The following MICAL1 variants were observed in gnomAD, a reference collection of about 807,000 sequenced individuals.
MICAL1 encodes the protein microtubule associated monooxygenase, calponin and LIM domain containing 1.
Under a neutral mutation model 131.8 loss-of-function variants are expected in MICAL1, and 95 were observed. The ratio of observed to expected loss-of-function variants is 0.72; its 90% CI spans 0.61 to 0.86. The LOEUF is 0.86. Ranked by LOEUF, MICAL1 falls within the 40% of genes least tolerant of loss-of-function variation. MICAL1 has a pLI of 0.00. For missense variants in MICAL1, 1,292 were observed against 1,380.6 expected (o/e 0.94, Z 1.02); for synonymous variants, 546 against 554.2 (o/e 0.99, Z 0.21).
In MICAL1 at chr6:109,448,234, G is replaced by A. The variant is rs775455759; in HGVS notation, c.1824C>T (p.His608=). ...TGTGGGCCATGCTCTTGAAGGCACTGTGGAAGTGGCTGAGGTAGGCAATGA... is the reference window on the plus strand; with the variant it reads ...TGTGGGCCATGCTCTTGAAGGCACTATGGAAGTGGCTGAGGTAGGCAATGA... The part of the protein sequence containing the change: ...LGLIAYLSHF[H]SAFKSMAHSP... Residue 608 remains histidine (H), a synonymous_variant, in exon 13 of 25, where the codon CAC becomes CAT. Coordinates refer to ENST00000358807, the MANE Select transcript of MICAL1 (RefSeq NM_022765.4). 1 of 1,613,444 alleles carries A rather than the reference G, an allele frequency of 6.2e-7. No individual in the cohort carries two copies. Among genetic ancestry groups the A allele is most frequent in the Non-Finnish European group, 8.5e-7 (1 of 1,180,004 alleles).
intron 6 of MICAL1, 187 bp from the exon 7 acceptor site, chr6:109,451,887 G>A: frequency 7.1e-7 from 1 of 1,403,382 alleles, no homozygotes; most frequent in Non-Finnish European, 9.2e-7. Flanking sequence ...GGAGGCCTGA[G>A]GACTTAGAGC....
At chr6:109,453,394 G>C in intron 3 of MICAL1, 27 bp from the exon 4 acceptor site, 1 of 1,605,486 alleles carries the variant, frequency 6.2e-7, no homozygotes. Flanking sequence ...ATTAGGAACA[G>C]GGACCCTAGG....
chr6:109,449,569 C>G, intron 10 of MICAL1, 88 bp from the exon 11 acceptor site: 6 of 1,605,874 alleles, frequency 3.7e-6, no homozygotes, highest in Non-Finnish European at 5.1e-6. Context: ...TAGGATTGAC[C>G]CCAAAGGGCA....
rs540868259 is a variant in MICAL1, at chr6:109,453,743, G to A, written c.361C>T (p.Arg121Cys). 1.7e-5 allele frequency: 28 copies of A among 1,613,802 alleles called. No individual in the cohort carries two copies. Among genetic ancestry groups the A allele is most frequent in the South Asian group, 1.2e-4 (11 of 91,086 alleles). The part of the protein sequence containing the change: ...VLVEKRTKFS[R>C]HNVLHLWPFT... ...GGCCAGAGGTGGAGCACGTTGTGGC[G>A]AGAGAACTTGGTGCGCTTTTCCACC... The change falls in exon 3 of 25, where the codon CGC becomes TGC. Residue 121 changes from arginine (R) to cysteine (C), a missense_variant. Physicochemically the swap from Arg to Cys is radical, Grantham distance 180. Transcript: ENST00000358807.
chr6:109,444,631 C>G, intron 24 of MICAL1, 94 bp downstream of exon 24: 1 of 1,441,386 alleles, frequency 6.9e-7, no homozygotes, highest in Non-Finnish European at 9.8e-7. Flanking sequence ...GGTACACAGA[C>G]TAGAGCATCA....
In MICAL1 at chr6:109,453,277, G is replaced by A. The variant is rs762703272; in HGVS notation, c.557C>T (p.Pro186Leu). ...HWGVTFTGLQPPPRKGSGWRA... is the reference protein window; with the variant it reads ...HWGVTFTGLQLPPRKGSGWRA... ...GAAATACTTACCCTTCCTAGGAGGGGGCTGGAGGCCAGTGAAAGTGACACC... is the reference window on the plus strand; with the variant it reads ...GAAATACTTACCCTTCCTAGGAGGGAGCTGGAGGCCAGTGAAAGTGACACC... The change falls in exon 4 of 25, where the codon CCC becomes CTC. Residue 186 changes from proline (P) to leucine (L), a missense_variant. Physicochemically the swap from Pro to Leu is moderately conservative, Grantham distance 98. Transcript: ENST00000358807. The A allele has an allele frequency of 1.2e-6, 2 of 1,613,652 alleles. No homozygotes were observed. Among genetic ancestry groups the A allele is most frequent in the Admixed American group, 3.3e-5 (2 of 60,000 alleles).
chr6:109,448,672 T>A, intron 12 of MICAL1, 60 bp downstream of exon 12: 1 of 1,595,774 alleles, frequency 6.3e-7, no homozygotes, highest in Non-Finnish European at 8.6e-7. Context: ...AGGATTCAAC[T>A]GGATATGCTA....
chr6:109,444,358 G>C lies in MICAL1; in HGVS notation c.3056-19C>G. The C allele has an allele frequency of 6.2e-7, 1 of 1,613,230 alleles. No homozygotes were observed. Among genetic ancestry groups the C allele is most frequent in the East Asian group, 2.2e-5 (1 of 44,878 alleles). ...AGGTTTTCTAAAAGGAGGAGACAAA[G>C]CTTAGAGAACAGGGAACTGGGCAGG... is the stretch of plus-strand genomic sequence containing the variant. On this transcript the variant is annotated intron_variant, in intron 24 of 24. Transcript: ENST00000358807.
chr6:109,448,726 A>G lies in MICAL1; in HGVS notation c.1664+6T>C. On this transcript the variant is annotated splice_donor_region_variant and intron_variant, in intron 12 of 24. Transcript: ENST00000358807. ...TGAGAGAGAGGTGGGTCTGCCAGGGACTCACAGCAGGCCAGGCTGCAGCCG... is the reference window on the plus strand; with the variant it reads ...TGAGAGAGAGGTGGGTCTGCCAGGGGCTCACAGCAGGCCAGGCTGCAGCCG... 1.2e-6 allele frequency: 2 copies of G among 1,613,850 alleles called. No homozygotes were observed. The highest frequency in any genetic ancestry group is 2.2e-5 in the South Asian group (2 of 91,078).
Position 109,455,166 on chromosome 6 carries a change from G to C in MICAL1, c.-44+553C>G, listed in dbSNP as rs887789324. Among the ~76,000 whole-genome samples the C allele has an allele frequency of 2.6e-5, 4 of 152,196 alleles. No homozygotes were observed. Among genetic ancestry groups the C allele is most frequent in the African/African-American group, 9.7e-5 (4 of 41,448 alleles). On this transcript the variant is annotated intron_variant, in intron 1 of 24. Transcript: ENST00000358807. The surrounding 1 kb of genome is among the most constrained non-coding windows in gnomAD (Gnocchi z 4.7). ...TGCCCGAGGGGGTTTCTCACGCGGG[G>C]CCCAGAAGGTATCAGAGGGTATGGA...
At chr6:109,445,935 G>GACGGA in intron 19 of MICAL1, 73 bp from the exon 20 acceptor site, 3 of 1,548,424 alleles carry the variant, frequency 1.9e-6, no homozygotes, top group Non-Finnish European at 1.7e-6. Context: ...GCATGGTGGT[G>GACGGA]ACGGAGGCCC....
upstream of MICAL1, among the ~76,000 whole-genome samples, chr6:109,458,429 CTA>C (rs1306446248): frequency 6.6e-6 from 1 of 152,022 alleles, no homozygotes; most frequent in African/African-American, 2.4e-5. Context: ...AACCCCAACT[CTA>C]TGAAAAATAC....
chr6:109,446,129 G>GGGTT lies in MICAL1; in HGVS notation c.2581+3_2581+6dup. On this transcript the variant is annotated splice_region_variant and intron_variant, in intron 19 of 24. Coordinates refer to ENST00000358807, the MANE Select transcript of MICAL1 (RefSeq NM_022765.4). ...CCTGGGTCAGCACATCTGTGAGGATGGGTTACCTTGAGGGCTCTGGACTGG... is the reference window on the plus strand; with the variant it reads ...CCTGGGTCAGCACATCTGTGAGGATGGGTTGGTTACCTTGAGGGCTCTGGACTGG... 1 of 1,534,290 alleles carries GGGTT rather than the reference G, an allele frequency of 6.5e-7. No individual in the cohort carries two copies. Among genetic ancestry groups the GGGTT allele is most frequent in the Non-Finnish European group, 8.7e-7 (1 of 1,144,870 alleles).
In MICAL1 at chr6:109,448,828, G is replaced by A. The variant is rs773062492; in HGVS notation, c.1568C>T (p.Ala523Val). 1 of 1,614,062 alleles carries A rather than the reference G, an allele frequency of 6.2e-7. No homozygotes were observed. Among genetic ancestry groups the A allele is most frequent in the South Asian group, 1.1e-5 (1 of 91,088 alleles). ...ELLRWCQEQT[A>V]GYPGVHVSDL... ...GGAGACGTGGACTCCCGGGTACCCA[G>A]CTGTCTGCTCCTGGCACCAGCGTAG... Residue 523 changes from alanine to valine, a missense_variant, in exon 12 of 25, where the codon GCT becomes GTT. By Grantham distance (64) the Ala-to-Val change is moderately conservative. Coordinates refer to ENST00000358807, the MANE Select transcript of MICAL1 (RefSeq NM_022765.4).
At chr6:109,448,418 C>G in intron 12 of MICAL1, 25 bp from the exon 13 acceptor site, 1 of 1,610,148 alleles carries the variant, frequency 6.2e-7, no homozygotes, top group Non-Finnish European at 8.5e-7. Flanking sequence ...GGAGAAAAGC[C>G]AACTAGAGAC....
At chr6:109,448,132 G>GTCAC (rs1775327820) in intron 13 of MICAL1, 71 bp downstream of exon 13, 3 of 1,247,028 alleles carry the variant, frequency 2.4e-6, no homozygotes, top group East Asian at 2.6e-5. Flanking sequence ...TTCTCCCTCT[G>GTCAC]TCACACACAC....
In MICAL1 at chr6:109,447,996, G is replaced by A. The variant is rs373635123; in HGVS notation, c.1856-33C>T. 29 of 1,570,782 alleles carry A rather than the reference G, an allele frequency of 1.8e-5. No individual in the cohort carries two copies. In the Admixed American group the frequency reaches 5.0e-4, roughly 27 times the overall value. ...GAGAGCCAGGGCATCAGTGTGGATG[G>A]GGGGTGCCAATACTGTACTCTCAGA... is the stretch of plus-strand genomic sequence containing the variant. On this transcript the variant is annotated intron_variant, in intron 13 of 24. Transcript: ENST00000358807.
Position 109,465,241 on chromosome 6 carries a change from G to A in MICAL1, c.14+423C>T, listed in dbSNP as rs558156689. On this transcript the variant is annotated intron_variant, in intron 1 of 24. Coordinates refer to the MICAL1 transcript ENST00000630715. ...TTGAGTTAAAATACTGAGTTTATGA[G>A]TTTGAATCTTTCTGAAGTGTTAACA... 9 of 161,228 alleles carry A rather than the reference G, an allele frequency of 5.6e-5. No individual in the cohort carries two copies. The South Asian group carries it at 1.7e-3, about 31-fold the overall frequency. 10.0% of individuals were successfully genotyped at this position (161,228 alleles called of 1,614,324 possible).
At chr6:109,453,396 G>A (rs1775618328) in intron 3 of MICAL1, 29 bp from the exon 4 acceptor site, 1 of 1,604,910 alleles carries the variant, frequency 6.2e-7, no homozygotes, top group Non-Finnish European at 8.5e-7. Flanking sequence ...TAGGAACAGG[G>A]ACCCTAGGGC....
Sources: gnomAD v4.1 joint callset for allele counts (sites outside exome capture counted in the v4.1 genomes callset) on GRCh38, gnomAD v4.1.1 for gene constraint, Gnocchi (gnomAD v3.1) non-coding constraint, MANE v1.5 for transcripts, NCBI Gene and HGNC (gene_info 2026-07-23, HGNC 2026-07-21) for gene names.